ARHGEF11: variants seen among roughly 807,000 people sequenced by gnomAD.
ARHGEF11 encodes Rho guanine exchange factor (GEF) 11.
A neutral mutation model predicts 193.7 loss-of-function variants in ARHGEF11; 55 were observed. That is an observed-to-expected ratio of 0.28 (90% CI 0.23 to 0.36). The LOEUF (loss-of-function observed/expected upper bound fraction) is 0.36. Among genes scored for constraint, ARHGEF11 ranks in the 10% least tolerant of loss-of-function variants. The probability of loss-of-function intolerance (pLI) is 1.00; values close to 1 mark genes in which losing one functional copy is unlikely to be tolerated. For synonymous variants in ARHGEF11, 693 were observed against 768.0 expected (o/e 0.90, Z 1.62); for missense variants, 1,723 against 2,005.6 (o/e 0.86, Z 2.69).
intron 1 of ARHGEF11, among the ~76,000 whole-genome samples, chr1:157,043,480 C>T (rs1328459208): frequency 6.6e-6 from 1 of 152,154 alleles, no homozygotes; most frequent in East Asian, 1.9e-4. Context: ...ATAGAGGTGG[C>T]TGGGCAGACT....
intron 1 of ARHGEF11, among the ~76,000 whole-genome samples, chr1:157,025,124 C>A (rs916166453): frequency 6.6e-6 from 1 of 152,150 alleles, no homozygotes; most frequent in South Asian, 2.1e-4. Context: ...ATAAGACTTG[C>A]AAGTAAAATC....
chr1:156,941,244 C>T (rs763787915), intron 35 of ARHGEF11, 128 bp downstream of exon 35: 16 of 813,616 alleles, frequency 2.0e-5, no homozygotes, highest in Non-Finnish European at 3.1e-5. Context: ...TGTTTCTTCT[C>T]TACTCTTTAT....
In ARHGEF11 at chr1:156,941,390, G is replaced by A; in HGVS notation, c.3496C>T (p.Pro1166Ser). ...DSDVFHGEPEPEELPGGTGSQ... is the reference protein window; with the variant it reads ...DSDVFHGEPESEELPGGTGSQ... ...CCCTTACCTCCAGGCAGCTCCTCAG[G>A]TTCAGGTTCACCATGGAACACGTCT... Residue 1166 changes from proline to serine, a missense_variant, in exon 35 of 41, where the codon CCT (proline) becomes TCT (serine). By Grantham distance (74) the Pro-to-Ser change is moderately conservative. This residue lies in a region of ARHGEF11 where 203 missense variants were observed against 237.3 expected (regional missense o/e 0.86). Transcript: ENST00000368194. 6.2e-7 allele frequency: 1 copy of A among 1,613,520 alleles called. No individual in the cohort carries two copies. The highest frequency in any genetic ancestry group is 8.5e-7 in the Non-Finnish European group (1 of 1,179,664).
At chr1:156,997,852 A>AT (rs368706785) in intron 1 of ARHGEF11, among the ~76,000 whole-genome samples, 181 of 147,986 alleles carry the variant, frequency 1.2e-3, no homozygotes, top group East Asian at 0.011. Context: ...CACCTGTATT[A>AT]TTTTTTTTTT....
chr1:156,989,692 T>C (rs1285134383), intron 1 of ARHGEF11, among the ~76,000 whole-genome samples: 1 of 152,224 alleles, frequency 6.6e-6, no homozygotes, highest in Non-Finnish European at 1.5e-5. Flanking sequence ...CCTGATCAAA[T>C]GGCATTGACT....
At chr1:157,038,475 A>C (rs1172446129) in intron 1 of ARHGEF11, among the ~76,000 whole-genome samples, 2 of 152,204 alleles carry the variant, frequency 1.3e-5, no homozygotes, top group Admixed American at 6.5e-5. Context: ...AAGACAATAA[A>C]ATGGTTTTAA....
chr1:156,951,039 C>T (rs1445466780), intron 22 of ARHGEF11, among the ~76,000 whole-genome samples: 1 of 152,180 alleles, frequency 6.6e-6, no homozygotes, highest in Non-Finnish European at 1.5e-5. Context: ...AAAAACAGTC[C>T]ATTTGTAATC....
chr1:157,027,706 C>T (rs146218155), intron 1 of ARHGEF11, among the ~76,000 whole-genome samples: 1,791 of 152,264 alleles, frequency 0.012, 16 homozygotes, highest in Middle Eastern at 0.034. Context: ...CTTGCCACTG[C>T]CCATCAGGAG....
At chr1:157,043,974 G>A (rs928705084) in intron 1 of ARHGEF11, among the ~76,000 whole-genome samples, 12 of 151,758 alleles carry the variant, frequency 7.9e-5, no homozygotes, top group Admixed American at 3.3e-4. Context: ...AGACTGGCTT[G>A]CCCCCACCTG....
At chr1:156,946,543 C>A (rs998705207) in intron 28 of ARHGEF11, 119 bp downstream of exon 28, 1 of 1,402,932 alleles carries the variant, frequency 7.1e-7, no homozygotes, top group Non-Finnish European at 9.9e-7. Flanking sequence ...GAGCGTGTGT[C>A]GAAGGGTAGA....
At chr1:156,972,029 C>G (rs1483483742) in intron 7 of ARHGEF11, among the ~76,000 whole-genome samples, 1 of 152,210 alleles carries the variant, frequency 6.6e-6, no homozygotes, top group Non-Finnish European at 1.5e-5. Context: ...CAGGAGACAA[C>G]CACAGAAAGA....
At chr1:156,963,361 C>T in intron 12 of ARHGEF11, 57 bp from the exon 13 acceptor site, 8 of 1,542,294 alleles carry the variant, frequency 5.2e-6, no homozygotes, top group Non-Finnish European at 7.2e-6. Flanking sequence ...ACAGCGGGTT[C>T]CAGCTTAGCT....
At position 157,002,295 on chromosome 1, in the gene ARHGEF11, A is replaced by G. The variant is rs139292668; in HGVS notation, c.33-16122T>C. Among the ~76,000 whole-genome samples, 65 of 152,306 alleles carry G rather than the reference A, an allele frequency of 4.3e-4. No homozygotes were observed. In the East Asian group the frequency reaches 0.012, roughly 29 times the overall value. ...AACCTGGATTGGCCAGGAGAGAAAC[A>G]ACAGCGACTGAGCAATCAGTTTGGA... is the stretch of plus-strand genomic sequence containing the variant. On this transcript the variant is annotated intron_variant, in intron 1 of 40. Coordinates refer to ENST00000368194, the MANE Select transcript of ARHGEF11 (RefSeq NM_198236.3).
upstream of ARHGEF11, among the ~76,000 whole-genome samples, chr1:157,046,737 T>G (rs561390303): frequency 6.6e-6 from 1 of 152,306 alleles, no homozygotes; most frequent in East Asian, 1.9e-4. Flanking sequence ...AACGTGACAT[T>G]TGTCAGAAGG....
At chr1:156,986,634 G>A (rs1456099513) in intron 1 of ARHGEF11, among the ~76,000 whole-genome samples, 1 of 152,196 alleles carries the variant, frequency 6.6e-6, no homozygotes, top group African/African-American at 2.4e-5. Context: ...AGGGAAGGAC[G>A]AGGTGGGTCA....
At chr1:156,957,227 T>TA (rs1557857073) in intron 18 of ARHGEF11, among the ~76,000 whole-genome samples, 1 of 152,204 alleles carries the variant, frequency 6.6e-6, no homozygotes, top group Admixed American at 6.5e-5. Context: ...ATTTCCCTCT[T>TA]AAACAGACTC....
chr1:157,017,971 G>A (rs925316391), intron 1 of ARHGEF11, among the ~76,000 whole-genome samples: 1 of 152,012 alleles, frequency 6.6e-6, no homozygotes, highest in African/African-American at 2.4e-5. Context: ...AAAAAGCTAT[G>A]AGAGAATAGG....
intron 32 of ARHGEF11, among the ~76,000 whole-genome samples, chr1:156,943,003 T>C (rs1217834325): frequency 6.6e-6 from 1 of 151,990 alleles, no homozygotes; most frequent in East Asian, 1.9e-4. Context: ...GCCACCCCCA[T>C]TCCTCTCCTG....
chr1:156,959,578 T>C (rs1428162757), intron 15 of ARHGEF11, among the ~76,000 whole-genome samples: 1 of 152,156 alleles, frequency 6.6e-6, no homozygotes, highest in African/African-American at 2.4e-5. Context: ...ATGTCTCTCC[T>C]CTAGTCCCTG....
Sources: gnomAD v4.1 joint callset for allele counts (sites outside exome capture counted in the v4.1 genomes callset) on GRCh38, gnomAD v4.1.1 for gene constraint, gnomAD v4.1.1 regional missense constraint, MANE v1.5 for transcripts, NCBI Gene and HGNC (gene_info 2026-07-23, HGNC 2026-07-21) for gene names.